Variants in TSPEAR observed in about 807,000 individuals in gnomAD.
The protein encoded by TSPEAR is thrombospondin-type laminin G domain and EAR repeat-containing protein.
In TSPEAR, 69 loss-of-function variants were observed where a neutral mutation model predicts 71.6. That is an observed-to-expected ratio of 0.96 (90% CI 0.79 to 1.18). The LOEUF (loss-of-function observed/expected upper bound fraction) is 1.18. Ranked by LOEUF, TSPEAR falls within the 50% of genes most tolerant of loss-of-function variation. The pLI is 0.00. For missense variants in TSPEAR, 971 were observed against 894.9 expected, an observed-to-expected ratio of 1.09 and a Z score of -1.09; for synonymous variants, 402 against 387.2, an observed-to-expected ratio of 1.04 and a Z score of -0.45.
intron 10 of TSPEAR, among the ~76,000 whole-genome samples, chr21:44,507,411 G>A (rs2052229206): frequency 6.6e-6 from 1 of 152,254 alleles, no homozygotes; most frequent in Admixed American, 6.5e-5. Context: ...TGGACTTGGT[G>A]AGGCCACATC....
chr21:44,508,272 G>T, intron 10 of TSPEAR: 1 of 166,210 alleles, frequency 6.0e-6, no homozygotes, highest in Non-Finnish European at 1.2e-5. Context: ...CCACAGAGCA[G>T]TTCATCTTGG....
At chr21:44,703,391 C>G (rs1295506672) in intron 1 of TSPEAR, among the ~76,000 whole-genome samples, 3 of 152,266 alleles carry the variant, frequency 2.0e-5, no homozygotes, top group African/African-American at 7.2e-5. Context: ...GATGGCACAT[C>G]TGGCCAGAGG....
chr21:44,533,559 T>A, intron 3 of TSPEAR, 126 bp downstream of exon 3: 2 of 812,176 alleles, frequency 2.5e-6, no homozygotes, highest in Non-Finnish European at 3.9e-6. Context: ...CCATGGCTCC[T>A]GACCCTGGTC....
intron 1 of TSPEAR, among the ~76,000 whole-genome samples, chr21:44,659,843 T>C (rs1006321091): frequency 1.3e-5 from 2 of 152,156 alleles, no homozygotes; most frequent in African/African-American, 4.8e-5. Context: ...AGGTATAAAC[T>C]TTACAATAAC....
intron 1 of TSPEAR, among the ~76,000 whole-genome samples, chr21:44,684,375 A>T (rs906870891): frequency 7.9e-5 from 12 of 152,122 alleles, no homozygotes; most frequent in Non-Finnish European, 1.3e-4. Flanking sequence ...CTCTACAGAA[A>T]ATTTAAAAAT....
At chr21:44,583,167 G>A (rs35783975) in intron 1 of TSPEAR, among the ~76,000 whole-genome samples, 1,364 of 98,728 alleles carry the variant, frequency 0.014, 14 homozygotes, top group Non-Finnish European at 0.016. Flanking sequence ...CTTAAATCAA[G>A]CAGACACTCT....
chr21:44,508,508 A>G (rs1193650619), intron 10 of TSPEAR: 1 of 1,086,012 alleles, frequency 9.2e-7, no homozygotes, highest in Non-Finnish European at 1.1e-6. Context: ...TCTGGGTAAT[A>G]CGGATTCGAT....
chr21:44,597,594 G>A (rs746383943), intron 1 of TSPEAR, among the ~76,000 whole-genome samples: 81 of 151,796 alleles, frequency 5.3e-4, no homozygotes, highest in Admixed American at 1.7e-3. Flanking sequence ...CACCATGCCC[G>A]GCTAATTTTG....
intron 1 of TSPEAR, chr21:44,591,943 C>T (rs1555926730): frequency 4.4e-6 from 7 of 1,602,146 alleles, no homozygotes; most frequent in East Asian, 2.3e-5. Flanking sequence ...GCTGGACACA[C>T]AGCTCACACA....
intron 1 of TSPEAR, among the ~76,000 whole-genome samples, chr21:44,698,742 A>T (rs1165671083): frequency 1.3e-5 from 2 of 152,188 alleles, no homozygotes; most frequent in Non-Finnish European, 2.9e-5. Context: ...TCAGCTGCCA[A>T]ACCTCTCCCA....
intron 9 of TSPEAR, among the ~76,000 whole-genome samples, chr21:44,514,374 G>A (rs1365527836): frequency 2.0e-5 from 3 of 152,038 alleles, no homozygotes; most frequent in South Asian, 2.1e-4. Context: ...GTACACACAC[G>A]TGTGCATGAG....
chr21:44,610,241 G>A (rs782384575), intron 1 of TSPEAR, among the ~76,000 whole-genome samples: 1 of 152,338 alleles, frequency 6.6e-6, no homozygotes. Flanking sequence ...CAAGACCATG[G>A]GGAAAATATC....
chr21:44,646,712 G>A, intron 1 of TSPEAR: 1 of 1,614,152 alleles, frequency 6.2e-7, no homozygotes, highest in Non-Finnish European at 8.5e-7. Flanking sequence ...CAGTCTAGCT[G>A]CCAGCCGGCT....
chr21:44,572,354 C>T (rs1378759404), intron 1 of TSPEAR, among the ~76,000 whole-genome samples: 1 of 152,186 alleles, frequency 6.6e-6, no homozygotes, highest in Non-Finnish European at 1.5e-5. Context: ...CAGAGCAGCG[C>T]TGCTTTCTCA....
intron 2 of TSPEAR, among the ~76,000 whole-genome samples, chr21:44,542,890 GC>G (rs1436581107): frequency 2.6e-5 from 4 of 152,014 alleles, no homozygotes; most frequent in African/African-American, 9.7e-5. Context: ...TTTAAAAACA[GC>G]CAGAGGAAAA....
chr21:44,688,951 C>T (rs1320514552), intron 1 of TSPEAR, among the ~76,000 whole-genome samples: 2 of 152,106 alleles, frequency 1.3e-5, no homozygotes, highest in African/African-American at 2.4e-5. Flanking sequence ...CCTCGGGCTC[C>T]CATCGCTTTT....
rs782062751 is a variant in TSPEAR at position 44,612,069 on chromosome 21, C to A, written c.83-44064G>T. 4.4e-6 allele frequency: 7 copies of A among 1,599,226 alleles called. 1 individual carries two copies. The South Asian group carries it at 7.8e-5, about 18-fold the overall frequency. On this transcript the variant is annotated intron_variant, in intron 1 of 11. Transcript: ENST00000323084. The surrounding 1 kb of genome is among the most constrained non-coding windows in gnomAD (Gnocchi z 4.1). ...GCACACAAACCCACACACCTCACAC[C>A]AGCACTCACACCACCCAGTCCAGCA...
intron 9 of TSPEAR, chr21:44,517,591 A>C: frequency 2.7e-6 from 1 of 365,906 alleles, no homozygotes; most frequent in East Asian, 7.4e-5. Flanking sequence ...AGCACAGGTC[A>C]GGTCAGCCCC....
chr21:44,630,642 G>C (rs974192916), intron 1 of TSPEAR, among the ~76,000 whole-genome samples: 1 of 150,980 alleles, frequency 6.6e-6, no homozygotes, highest in African/African-American at 2.4e-5. Flanking sequence ...GTGAAGGGGA[G>C]GGCAGGAAGT....
Sources: gnomAD v4.1 joint callset for allele counts (sites outside exome capture counted in the v4.1 genomes callset) on GRCh38, gnomAD v4.1.1 for gene constraint, Gnocchi (gnomAD v3.1) non-coding constraint, MANE v1.5 for transcripts, NCBI Gene and HGNC (gene_info 2026-07-23, HGNC 2026-07-21) for gene names.